PTPRG: variants seen among roughly 807,000 people sequenced by gnomAD.
The protein encoded by PTPRG is protein tyrosine phosphatase receptor type G.
A neutral mutation model predicts 165.3 loss-of-function variants in PTPRG; 102 were observed. The ratio of observed to expected loss-of-function variants is 0.62; its 90% CI spans 0.53 to 0.73. The LOEUF (loss-of-function observed/expected upper bound fraction) is 0.73. Among genes scored for constraint, PTPRG ranks in the 30% least tolerant of loss-of-function variants. The probability of loss-of-function intolerance (pLI) is 0.00; values close to 1 mark genes in which losing one functional copy is unlikely to be tolerated. For synonymous variants in PTPRG, 675 were observed against 669.5 expected, an observed-to-expected ratio of 1.01 and a Z score of -0.13; for missense variants, 1,866 against 1,861.4, an observed-to-expected ratio of 1.00 and a Z score of -0.05.
chr3:61,830,173 A>T (rs887908302), intron 2 of PTPRG, among the ~76,000 whole-genome samples: 1 of 152,216 alleles, frequency 6.6e-6, no homozygotes, highest in Non-Finnish European at 1.5e-5. Context: ...CTGTGATGTC[A>T]TGTGGCATAA....
intron 2 of PTPRG, among the ~76,000 whole-genome samples, chr3:61,897,394 G>A (rs1403144175): frequency 6.6e-6 from 1 of 152,006 alleles, no homozygotes; most frequent in East Asian, 1.9e-4. Context: ...AATGAGTTGA[G>A]CATATTTGTT....
intron 2 of PTPRG, among the ~76,000 whole-genome samples, chr3:61,761,914 CT>C (rs1395286390): frequency 6.6e-6 from 1 of 152,186 alleles, no homozygotes; most frequent in Non-Finnish European, 1.5e-5. Flanking sequence ...ACCCTTCCCC[CT>C]AGTTCCAAAT....
intron 2 of PTPRG, among the ~76,000 whole-genome samples, chr3:61,759,137 T>C (rs900329891): frequency 7.9e-5 from 12 of 152,186 alleles, no homozygotes; most frequent in African/African-American, 2.7e-4. Context: ...TGAGATCAGC[T>C]ACCTGAAGGG....
At chr3:61,812,394 A>G (rs1315827090) in intron 2 of PTPRG, among the ~76,000 whole-genome samples, 1 of 152,138 alleles carries the variant, frequency 6.6e-6, no homozygotes, top group Non-Finnish European at 1.5e-5. Flanking sequence ...TTTTGTATGT[A>G]ATAATCTTTC....
chr3:62,047,273 T>TGTATTTATTTG (rs1700325823), intron 4 of PTPRG, among the ~76,000 whole-genome samples: 2 of 21,646 alleles, frequency 9.2e-5, no homozygotes, highest in Non-Finnish European at 3.2e-4. Context: ...TTATTTATTT[T>TGTATTTATTTG]TATTGAGATG....
chr3:61,943,911 A>G (rs767371541), intron 2 of PTPRG, among the ~76,000 whole-genome samples: 2 of 152,214 alleles, frequency 1.3e-5, no homozygotes, highest in Non-Finnish European at 2.9e-5. Context: ...GAGTGTAGGT[A>G]GCAGTTTCAG....
chr3:62,204,703 AT>A (rs946238937), intron 12 of PTPRG, among the ~76,000 whole-genome samples: 3 of 152,210 alleles, frequency 2.0e-5, no homozygotes, highest in African/African-American at 7.2e-5. Context: ...GTATTGGCCC[AT>A]GGTCCTTGCC....
At chr3:61,930,555 T>TAAAGAC (rs920058557) in intron 2 of PTPRG, among the ~76,000 whole-genome samples, 3 of 152,184 alleles carry the variant, frequency 2.0e-5, no homozygotes, top group African/African-American at 7.2e-5. Context: ...ATCTGCCAGT[T>TAAAGAC]AAAGACAAAT....
chr3:61,985,624 C>T (rs571848513), intron 2 of PTPRG, among the ~76,000 whole-genome samples: 27 of 152,252 alleles, frequency 1.8e-4, no homozygotes, highest in African/African-American at 6.3e-4. Flanking sequence ...CTCCTTATGT[C>T]CCATTTCTCA....
At chr3:61,978,597 T>C (rs1381563303) in intron 2 of PTPRG, among the ~76,000 whole-genome samples, 1 of 152,222 alleles carries the variant, frequency 6.6e-6, no homozygotes, top group Admixed American at 6.5e-5. Flanking sequence ...TGTAAACATA[T>C]GTATTAAGTT....
chr3:61,933,086 C>G (rs2039400704), intron 2 of PTPRG, among the ~76,000 whole-genome samples: 1 of 152,032 alleles, frequency 6.6e-6, no homozygotes, highest in South Asian at 2.1e-4. Flanking sequence ...TTGGGGTCCC[C>G]AAAGCAAATG....
chr3:61,704,020 G>T (rs1252628729), intron 1 of PTPRG, among the ~76,000 whole-genome samples: 2 of 152,146 alleles, frequency 1.3e-5, no homozygotes, highest in Admixed American at 1.3e-4. Flanking sequence ...AGGGTAGAGA[G>T]GTAAACAAGT....
chr3:61,836,573 G>C (rs1048858391), intron 2 of PTPRG, among the ~76,000 whole-genome samples: 1 of 152,118 alleles, frequency 6.6e-6, no homozygotes, highest in Non-Finnish European at 1.5e-5. Context: ...AGACATTATT[G>C]ACATCAAGGC....
At chr3:61,713,296 G>T (rs572420868) in intron 1 of PTPRG, among the ~76,000 whole-genome samples, 98 of 151,750 alleles carry the variant, frequency 6.5e-4, no homozygotes, top group African/African-American at 2.2e-3. Context: ...GAGTAGCTGG[G>T]ATTACAGGCA....
intron 16 of PTPRG, among the ~76,000 whole-genome samples, chr3:62,259,507 A>G (rs1701630925): frequency 6.6e-6 from 1 of 152,148 alleles, no homozygotes; most frequent in African/African-American, 2.4e-5. Context: ...TGGGCCATGG[A>G]TTGGATAAGC....
intron 2 of PTPRG, among the ~76,000 whole-genome samples, chr3:61,935,947 T>C (rs2039474164): frequency 6.6e-6 from 1 of 152,116 alleles, no homozygotes; most frequent in Non-Finnish European, 1.5e-5. Flanking sequence ...TATTAAGGTG[T>C]GGCCTTGGAT....
At chr3:61,829,301 G>A (rs1163773550) in intron 2 of PTPRG, among the ~76,000 whole-genome samples, 3 of 152,226 alleles carry the variant, frequency 2.0e-5, no homozygotes, top group East Asian at 1.9e-4. Flanking sequence ...CCCAGACAGC[G>A]TTGTAGTTCA....
At chr3:61,766,622 T>A (rs557850110) in intron 2 of PTPRG, among the ~76,000 whole-genome samples, 13 of 152,076 alleles carry the variant, frequency 8.5e-5, no homozygotes, top group African/African-American at 3.1e-4. Context: ...AAAAAATTTT[T>A]TTTTTTTTTC....
At chr3:61,889,965 C>T (rs1189496048) in intron 2 of PTPRG, among the ~76,000 whole-genome samples, 2 of 152,172 alleles carry the variant, frequency 1.3e-5, no homozygotes, top group Admixed American at 1.3e-4. Flanking sequence ...CTCTGAAACA[C>T]ATGGAATTAT....
Sources: gnomAD v4.1 joint callset for allele counts (sites outside exome capture counted in the v4.1 genomes callset) on GRCh38, gnomAD v4.1.1 for gene constraint, MANE v1.5 for transcripts, NCBI Gene and HGNC (gene_info 2026-07-23, HGNC 2026-07-21) for gene names.